The following RPL23A variants were observed in gnomAD, a reference collection of about 807,000 sequenced individuals.
RPL23A encodes ribosomal protein L23a, also known as large ribosomal subunit protein uL23.
RPL23A carries 2 observed loss-of-function variants against 17.6 expected under a neutral mutation model. The ratio of observed to expected loss-of-function variants is 0.11; its 90% CI spans 0.05 to 0.36. The LOEUF is 0.36. RPL23A is among the 10% of genes least tolerant of loss of function. RPL23A has a pLI of 1.00. For missense variants in RPL23A, 132 were observed against 194.4 expected (o/e 0.68, Z 1.91); for synonymous variants, 65 against 74.3 (o/e 0.87, Z 0.65).
chr17:28,723,560 C>T lies in RPL23A; in HGVS notation c.387-11C>T, dbSNP rs1379691771. 1 of 1,611,370 alleles carries T rather than the reference C, an allele frequency of 6.2e-7. No individual in the cohort carries two copies. The highest frequency in any genetic ancestry group is 8.5e-7 in the Non-Finnish European group (1 of 1,177,556). Reference sequence around the variant, plus strand: ...GGGTGGCAGGGACTAAGGCTTCCTTCTCTACCCTAGGCCTGATGGAGAGAA... The same window carrying T: ...GGGTGGCAGGGACTAAGGCTTCCTTTTCTACCCTAGGCCTGATGGAGAGAA... On this transcript the variant is annotated splice_polypyrimidine_tract_variant and intron_variant, in intron 3 of 4. Transcript: ENST00000422514.
rs765381231 is a variant in RPL23A, at chr17:28,720,373, C to T, written c.26-334C>T. On this transcript the variant is annotated intron_variant, in intron 1 of 4. Coordinates refer to ENST00000422514, the MANE Select transcript of RPL23A (RefSeq NM_000984.6). The stretch of plus-strand genomic sequence containing the variant: ...AGCTTTAACCATTTTCCTTCTGGTT[C>T]ATGTTCAACCGGGCTACATTACCCG... 1.7e-5 allele frequency: 27 copies of T among 1,562,978 alleles called. No individual in the cohort carries two copies. The African/African-American group carries it at 2.2e-4, about 13-fold the overall frequency.
At chr17:28,721,058 G>T (rs2034105638) in intron 2 of RPL23A, 168 bp downstream of exon 2, 1 of 657,418 alleles carries the variant, frequency 1.5e-6, no homozygotes, top group Non-Finnish European at 2.6e-6. Flanking sequence ...AAACTGGCAG[G>T]ATCAGCCCAG....
chr17:28,723,473 C>T, intron 3 of RPL23A, 98 bp from the exon 4 acceptor site: 1 of 869,714 alleles, frequency 1.1e-6, no homozygotes, highest in Non-Finnish European at 2.0e-6. Flanking sequence ...ATGACATGAA[C>T]AAAGGAACCA....
intron 1 of RPL23A, chr17:28,720,238 C>T (rs1431669649): frequency 4.6e-6 from 7 of 1,538,220 alleles, no homozygotes; most frequent in East Asian, 4.9e-5. Flanking sequence ...GGGGGGGCAA[C>T]GCGGCAGGCA....
chr17:28,721,800 T>G (rs1316771491), intron 2 of RPL23A: 3 of 152,170 alleles, frequency 2.0e-5, no homozygotes, highest in Non-Finnish European at 1.5e-5. Flanking sequence ...AAGTGGATTG[T>G]GTTCATATAG....
At position 28,722,707 on chromosome 17, in the gene RPL23A, A is replaced by C. The variant is rs748789475; in HGVS notation, c.210-16A>C. On this transcript the variant is annotated splice_polypyrimidine_tract_variant and intron_variant, in intron 2 of 4. Transcript: ENST00000422514. ...GAATGGGCCCAGGCCAGGTGACCCC[A>C]TTTTGCCTCTCCCAGGCTTGACCAC... 6.2e-7 allele frequency: 1 copy of C among 1,613,718 alleles called. No individual in the cohort carries two copies. Among genetic ancestry groups the C allele is most frequent in the Non-Finnish European group, 8.5e-7 (1 of 1,179,680 alleles).
At position 28,720,857 on chromosome 17, in the gene RPL23A, A is replaced by C. The variant is rs61738395; in HGVS notation, c.176A>C (p.Lys59Thr). The C allele has an allele frequency of 6.2e-7, 1 of 1,613,940 alleles. No homozygotes were observed. The highest frequency in any genetic ancestry group is 1.3e-5 in the African/African-American group (1 of 74,898). The change falls in exon 2 of 5, where the codon AAA becomes ACA. Residue 59 changes from lysine (K) to threonine (T), a missense_variant. Physicochemically the swap from Lys to Thr is moderately conservative, Grantham distance 78. Around this residue, in one of 2 missense-constraint regions of RPL23A, gnomAD observed 69 missense variants for 145.5 expected, o/e 0.47. Coordinates refer to ENST00000422514, the MANE Select transcript of RPL23A (RefSeq NM_000984.6). ...PKTLRLRRQP[K>T]YPRKSAPRRN... ...ACACTGCGACTCCGGAGACAGCCCAAATATCCTCGGAAGAGCGCTCCCAGG... is the reference window on the plus strand; with the variant it reads ...ACACTGCGACTCCGGAGACAGCCCACATATCCTCGGAAGAGCGCTCCCAGG...
At chr17:28,721,792 G>A (rs900214021) in intron 2 of RPL23A, 11 of 152,184 alleles carry the variant, frequency 7.2e-5, no homozygotes, top group Non-Finnish European at 1.2e-4. Flanking sequence ...AACAGAAAAA[G>A]TGGATTGTGT....
chr17:28,723,759 C>T lies in RPL23A; in HGVS notation c.457-108C>T, dbSNP rs368969871. The T allele has an allele frequency of 5.1e-6, 7 of 1,360,864 alleles. No homozygotes were observed. The African/African-American group carries it at 5.7e-5, about 11-fold the overall frequency. 84.3% of individuals were successfully genotyped at this position (1,360,864 alleles called of 1,614,324 possible). ...CATAATTAACTGACTGCACCCCTAT[C>T]CTTGACAAACCTTATCCTCACATTC... On this transcript the variant is annotated intron_variant, in intron 4 of 4. Transcript: ENST00000422514.
In RPL23A at chr17:28,724,040, A is replaced by G. The variant is rs1050626011; in HGVS notation, c.*159A>G. The G allele has an allele frequency of 1.8e-6, 1 of 561,658 alleles. No homozygotes were observed. The allele number at this position is 561,658 out of a possible 1,614,324, so 34.8% of individuals were successfully genotyped here. Reference sequence around the variant, plus strand: ...CCTGTTCTACTTATCCTTTTGAAATACCTCACCCTGCCACTCCACCATGTA... The same window carrying G: ...CCTGTTCTACTTATCCTTTTGAAATGCCTCACCCTGCCACTCCACCATGTA... On this transcript the variant is annotated 3_prime_UTR_variant, in exon 5 of 5. Transcript: ENST00000422514.
chr17:28,723,801 A>G (rs2034160986), intron 4 of RPL23A, 66 bp from the exon 5 acceptor site: 2 of 1,517,318 alleles, frequency 1.3e-6, no homozygotes, highest in Non-Finnish European at 1.8e-6. Context: ...TTGCTTTCTA[A>G]AAATAACATT....
intron 1 of RPL23A, chr17:28,720,272 A>G: frequency 6.5e-7 from 1 of 1,543,690 alleles, no homozygotes; most frequent in Non-Finnish European, 8.8e-7. Context: ...AGGGCCAGAC[A>G]TTCGGTTCTG....
Position 28,720,571 on chromosome 17 carries a change from T to C in RPL23A, c.26-136T>C, listed in dbSNP as rs772257752. On this transcript the variant is annotated intron_variant, in intron 1 of 4. Coordinates refer to ENST00000422514, the MANE Select transcript of RPL23A (RefSeq NM_000984.6). ...TATCGTGCATATGATGGAAAAGTTTTAATCTCCTGACACTTGTGATGTCTT... is the reference window on the plus strand; with the variant it reads ...TATCGTGCATATGATGGAAAAGTTTCAATCTCCTGACACTTGTGATGTCTT... 45 of 1,381,686 alleles carry C rather than the reference T, an allele frequency of 3.3e-5. No homozygotes were observed. The South Asian group carries it at 4.8e-4, about 15-fold the overall frequency. 85.6% of individuals were successfully genotyped at this position (1,381,686 alleles called of 1,614,324 possible). A position where few individuals can be genotyped will look rare whatever the true frequency, so the allele number is the denominator to read the frequency against.
intron 4 of RPL23A, 35 bp from the exon 5 acceptor site, chr17:28,723,832 C>A: frequency 6.3e-7 from 1 of 1,595,006 alleles, no homozygotes; most frequent in Non-Finnish European, 8.6e-7. Flanking sequence ...CTTCATATTT[C>A]AACTCCAGTA....
At chr17:28,722,963 C>A in intron 3 of RPL23A, 64 bp downstream of exon 3, 2 of 1,347,842 alleles carry the variant, frequency 1.5e-6, no homozygotes, top group South Asian at 2.4e-5. Context: ...AAAAAACCTG[C>A]ATTCCATGAA....
chr17:28,721,103 G>A, intron 2 of RPL23A: 1 of 468,544 alleles, frequency 2.1e-6, no homozygotes, highest in Non-Finnish European at 3.9e-6. Context: ...TGTAATCCCA[G>A]CACTTTGGGA....
At chr17:28,720,969 A>AG in intron 2 of RPL23A, 79 bp downstream of exon 2, 1 of 1,279,904 alleles carries the variant, frequency 7.8e-7, no homozygotes, top group Non-Finnish European at 1.1e-6. Context: ...ACTCTGCGTG[A>AG]TGGTTTCTCA....
chr17:28,720,108 T>G (rs1160609824), intron 1 of RPL23A, 78 bp downstream of exon 1: 2 of 1,540,530 alleles, frequency 1.3e-6, no homozygotes, highest in Non-Finnish European at 1.8e-6. Flanking sequence ...GGAACACGGC[T>G]GCTGGGCTAA....
chr17:28,720,327 C>G (rs1282023818), intron 1 of RPL23A: 1 of 1,550,944 alleles, frequency 6.4e-7, no homozygotes, highest in Non-Finnish European at 8.7e-7. Flanking sequence ...GTCCCCGGGC[C>G]TGTAAGGAAT....
Sources: gnomAD v4.1 joint callset for allele counts on GRCh38, gnomAD v4.1.1 for gene constraint, gnomAD v4.1.1 regional missense constraint, MANE v1.5 for transcripts, NCBI Gene and HGNC (gene_info 2026-07-23, HGNC 2026-07-21) for gene names.